The following SLC17A5 variants were observed in gnomAD, a reference collection of about 807,000 sequenced individuals.
The protein encoded by SLC17A5 is solute carrier family 17 member 5, also known as sialin.
SLC17A5 carries 47 observed loss-of-function variants against 59.4 expected under a neutral mutation model. The ratio of observed to expected loss-of-function variants is 0.79; its 90% CI spans 0.63 to 1.01. SLC17A5 has a LOEUF of 1.01. Ranked by LOEUF, SLC17A5 falls within the 50% of genes least tolerant of loss-of-function variation. The pLI, the probability that SLC17A5 is intolerant of heterozygous loss-of-function variation, is 0.00. For missense variants in SLC17A5, 522 were observed against 595.5 expected, an observed-to-expected ratio of 0.88 and a Z score of 1.28; for synonymous variants, 202 against 210.7, an observed-to-expected ratio of 0.96 and a Z score of 0.36.
Position 73,595,093 on chromosome 6 carries a change from T to C in SLC17A5, c.1472A>G (p.His491Arg). 8.1e-6 allele frequency: 13 copies of C among 1,614,148 alleles called. No homozygotes were observed. The highest frequency in any genetic ancestry group is 1.1e-5 in the Non-Finnish European group (13 of 1,180,012). Reference sequence around the variant, plus strand: ...TTGGTTCCTTCAGTGTCTGTGTCCATGGTGATCATTGAGAGCCCAGTTTTG... The same window carrying C: ...TTGGTTCCTTCAGTGTCTGTGTCCACGGTGATCATTGAGAGCCCAGTTTTG... The part of the protein sequence containing the change: ...EVQNWALNDH[H>R]GHRH The change falls in exon 11 of 11, where the codon CAT becomes CGT. Residue 491 changes from histidine (H) to arginine (R), a missense_variant. Coordinates refer to ENST00000355773, the MANE Select transcript of SLC17A5 (RefSeq NM_012434.5).
chr6:73,609,056 T>C (rs948623085), intron 9 of SLC17A5, among the ~76,000 whole-genome samples: 2 of 152,158 alleles, frequency 1.3e-5, no homozygotes, highest in African/African-American at 4.8e-5. Context: ...TGAGGATTCA[T>C]AGAAATCAGA....
intron 9 of SLC17A5, among the ~76,000 whole-genome samples, chr6:73,603,204 T>A (rs1312799697): frequency 5.3e-5 from 8 of 151,978 alleles, no homozygotes; most frequent in Non-Finnish European, 1.0e-4. Flanking sequence ...CGATCTCAGC[T>A]CATTGCAACC....
intron 6 of SLC17A5, among the ~76,000 whole-genome samples, chr6:73,633,938 T>C (rs202158918): frequency 6.6e-6 from 1 of 151,748 alleles, no homozygotes; most frequent in African/African-American, 2.4e-5. Flanking sequence ...ATAGGAAAAG[T>C]CTTAAATATT....
At position 73,653,968 on chromosome 6, in the gene SLC17A5, TG is replaced by T; in HGVS notation, c.-83del. On this transcript the variant is annotated 5_prime_UTR_variant, in exon 1 of 11. Coordinates refer to ENST00000355773, the MANE Select transcript of SLC17A5 (RefSeq NM_012434.5). ...ACAGCCCGAAGCCCCCGGGCCGAGC[TG>T]GCTGGACCGGGCGGGGCGGGGGCGA... 1 of 1,213,556 alleles carries T rather than the reference TG, an allele frequency of 8.2e-7. No individual in the cohort carries two copies. The highest frequency in any genetic ancestry group is 1.2e-6 in the Non-Finnish European group (1 of 866,954). 75.2% of individuals were successfully genotyped at this position (1,213,556 alleles called of 1,614,324 possible). A position where few individuals can be genotyped will look rare whatever the true frequency, so the allele number is the denominator to read the frequency against.
At position 73,653,879 on chromosome 6, in the gene SLC17A5, G is replaced by C; in HGVS notation, c.8C>G (p.Ser3Cys). The change falls in exon 1 of 11, where the codon TCT becomes TGT. Residue 3 changes from serine to cysteine, a missense_variant. Physicochemically the swap from Ser to Cys is moderately radical, Grantham distance 112 (BLOSUM62 -1). Coordinates refer to ENST00000355773, the MANE Select transcript of SLC17A5 (RefSeq NM_012434.5). The stretch of plus-strand genomic sequence containing the variant: ...GTTCCGGGCCAGGTCTCGAACCGGA[G>C]ACCTCATGACGCCTACGTGAGCAGG... MR[S>C]PVRDLARNDG... The C allele has an allele frequency of 8.1e-6, 13 of 1,606,132 alleles. No homozygotes were observed. The highest frequency in any genetic ancestry group is 1.1e-5 in the Non-Finnish European group (13 of 1,177,006).
intron 4 of SLC17A5, among the ~76,000 whole-genome samples, chr6:73,638,041 AGCTACTG>A (rs1245125603): frequency 6.6e-6 from 1 of 152,180 alleles, no homozygotes; most frequent in Admixed American, 6.6e-5. Context: ...TCAATTTTCT[AGCTACTG>A]GCCTTTTTTT....
At chr6:73,640,215 T>C (rs957114514) in intron 3 of SLC17A5, among the ~76,000 whole-genome samples, 6 of 152,194 alleles carry the variant, frequency 3.9e-5, no homozygotes, top group African/African-American at 1.2e-4. Context: ...ATATGCTAGA[T>C]TTAAGTATAT....
intron 9 of SLC17A5, among the ~76,000 whole-genome samples, chr6:73,607,819 C>T (rs941758908): frequency 6.7e-6 from 1 of 148,258 alleles, no homozygotes; most frequent in Non-Finnish European, 1.5e-5. Context: ...CTTTGTCACC[C>T]AGGCTGGAGC....
intron 9 of SLC17A5, among the ~76,000 whole-genome samples, chr6:73,604,789 T>G (rs1007939064): frequency 6.6e-6 from 1 of 152,140 alleles, no homozygotes; most frequent in East Asian, 1.9e-4. Flanking sequence ...AAATCTCTAT[T>G]TCAGTCTATA....
chr6:73,607,699 C>T (rs913043848), intron 9 of SLC17A5, among the ~76,000 whole-genome samples: 2 of 152,086 alleles, frequency 1.3e-5, no homozygotes, highest in East Asian at 3.9e-4. Context: ...AGCTACCTTT[C>T]AGATTTATTA....
rs1366703192 is a variant in SLC17A5, at chr6:73,594,237, C to G, written c.*840G>C. On this transcript the variant is annotated 3_prime_UTR_variant, in exon 11 of 11. Coordinates refer to ENST00000355773, the MANE Select transcript of SLC17A5 (RefSeq NM_012434.5). ...GTTTCACCATGCTGGCCAGGCTGGT[C>G]TCGAACTCCTGATCTCATGATTCGC... 6.6e-6 allele frequency: 1 copy of G among 152,136 alleles called. No individual in the cohort carries two copies. Among genetic ancestry groups the G allele is most frequent in the Admixed American group, 6.6e-5 (1 of 15,252 alleles). 9.4% of individuals were successfully genotyped at this position (152,136 alleles called of 1,614,324 possible).
intron 6 of SLC17A5, among the ~76,000 whole-genome samples, chr6:73,629,930 C>G (rs1768616223): frequency 1.3e-5 from 2 of 152,028 alleles, no homozygotes; most frequent in Admixed American, 6.6e-5. Flanking sequence ...TCTTAAAGCA[C>G]TCGCTAGTCA....
At chr6:73,616,305 C>G (rs114077071) in intron 7 of SLC17A5, among the ~76,000 whole-genome samples, 1 of 152,126 alleles carries the variant, frequency 6.6e-6, no homozygotes, top group African/African-American at 2.4e-5. Context: ...TAAGCATTAA[C>G]CTCGTTTTGG....
At chr6:73,604,060 C>T (rs532087974) in intron 9 of SLC17A5, among the ~76,000 whole-genome samples, 16 of 152,036 alleles carry the variant, frequency 1.1e-4, no homozygotes, top group Non-Finnish European at 1.6e-4. Context: ...TATAACAAAA[C>T]CATGAAGTAC....
At chr6:73,644,642 A>G in intron 1 of SLC17A5, 39 bp from the exon 2 acceptor site, 1 of 1,557,844 alleles carries the variant, frequency 6.4e-7, no homozygotes, top group Non-Finnish European at 8.7e-7. Flanking sequence ...TTTATTTTTA[A>G]ATTTTTATTT....
At chr6:73,610,683 T>C in intron 8 of SLC17A5, 136 bp from the exon 9 acceptor site, 1 of 874,540 alleles carries the variant, frequency 1.1e-6, no homozygotes. Context: ...GACTAACAAA[T>C]TTCATGAGAA....
rs10707321 is a variant in SLC17A5 at position 73,610,691 on chromosome 6, G to GA, written c.1112-145dup. ...CCTGGAAGACTAACAAATTTCATGA[G>GA]AAAAAAAAAATGCTGGAAAACATGG... On this transcript the variant is annotated intron_variant, in intron 8 of 10. Transcript: ENST00000355773. 46,584 of 691,234 alleles carry GA rather than the reference G, an allele frequency of 0.067. 986 individuals are homozygous for GA. Among genetic ancestry groups the GA allele is most frequent in the Admixed American group, 0.19 (6,447 of 33,734 alleles). 42.8% of individuals were successfully genotyped at this position (691,234 alleles called of 1,614,324 possible).
rs10455280 is a variant in SLC17A5 at position 73,637,006 on chromosome 6, C to T, written c.614-299G>A. On this transcript the variant is annotated intron_variant, in intron 4 of 10. Coordinates refer to ENST00000355773, the MANE Select transcript of SLC17A5 (RefSeq NM_012434.5). ...ACTTGGGAGGTTGAGGTGGGACGAT[C>T]GCTTCAGCTGTTGAGGCTGCAGTGA... 0.056 allele frequency among the ~76,000 whole-genome samples: 8,449 copies of T among 151,496 alleles called. 421 individuals carry two copies. Among genetic ancestry groups the T allele is most frequent in the Admixed American group, 0.16 (2,467 of 15,182 alleles).
At chr6:73,619,539 A>G (rs932449833) in intron 7 of SLC17A5, among the ~76,000 whole-genome samples, 1 of 151,396 alleles carries the variant, frequency 6.6e-6, no homozygotes, top group Non-Finnish European at 1.5e-5. Context: ...TAAAAAAAAC[A>G]AAAACAAAAA....
Sources: gnomAD v4.1 joint callset for allele counts (sites outside exome capture counted in the v4.1 genomes callset) on GRCh38, gnomAD v4.1.1 for gene constraint, MANE v1.5 for transcripts, NCBI Gene and HGNC (gene_info 2026-07-23, HGNC 2026-07-21) for gene names.